ASS1: variants seen among roughly 807,000 people sequenced by gnomAD.
The protein encoded by ASS1 is argininosuccinate synthase.
A neutral mutation model predicts 60.5 loss-of-function variants in ASS1; 58 were observed. That is an observed-to-expected ratio of 0.96 (90% CI 0.78 to 1.19). The LOEUF (loss-of-function observed/expected upper bound fraction) is 1.19. Among genes scored for constraint, ASS1 ranks in the 50% most tolerant of loss-of-function variants. The pLI is 0.00. For synonymous variants in ASS1, 200 were observed against 206.9 expected, an observed-to-expected ratio of 0.97 and a Z score of 0.29; for missense variants, 454 against 547.3, an observed-to-expected ratio of 0.83 and a Z score of 1.70.
intron 4 of ASS1, among the ~76,000 whole-genome samples, chr9:130,461,957 T>C (rs1022861417): frequency 1.3e-5 from 2 of 152,066 alleles, no homozygotes; most frequent in Non-Finnish European, 2.9e-5. Context: ...AAGGGCATCC[T>C]GTTTGCTGGA....
At chr9:130,493,748 GGCCTGCCTGCCT>G (rs58946745) in intron 12 of ASS1, among the ~76,000 whole-genome samples, 6 of 151,938 alleles carry the variant, frequency 3.9e-5, no homozygotes, top group Non-Finnish European at 7.4e-5. Context: ...CCCCCGCCAT[GGCCTGCCTGCCT>G]GCCTGCCTGC....
intron 6 of ASS1, among the ~76,000 whole-genome samples, chr9:130,468,442 C>T (rs925355033): frequency 1.3e-5 from 2 of 152,134 alleles, no homozygotes; most frequent in Admixed American, 6.5e-5. Context: ...GACAGTGTCT[C>T]ACTCTGTCAC....
At position 130,476,802 on chromosome 9, in the gene ASS1, C is replaced by T. The variant is rs1033174937; in HGVS notation, c.598-69C>T. The stretch of plus-strand genomic sequence containing the variant: ...CAGAGGAGAGGGGTGCAGATCCCCG[C>T]GGGAGGTGGGCTGTAGGGTGTCCAG... On this transcript the variant is annotated intron_variant, in intron 8 of 14. Transcript: ENST00000352480. This position sits in a 1 kb window ranked among gnomAD's most constrained non-coding sequence, Gnocchi z 4.9. 54 of 1,420,272 alleles carry T rather than the reference C, an allele frequency of 3.8e-5. No individual in the cohort carries two copies. The highest frequency in any genetic ancestry group is 4.9e-5 in the Non-Finnish European group (49 of 1,005,342). 88.0% of individuals were successfully genotyped at this position (1,420,272 alleles called of 1,614,324 possible).
intron 11 of ASS1, among the ~76,000 whole-genome samples, chr9:130,481,523 C>T (rs939208321): frequency 6.6e-6 from 1 of 152,220 alleles, no homozygotes; most frequent in Admixed American, 6.5e-5. Context: ...GAGCCGATCA[C>T]CCCATGTGGG....
At chr9:130,496,897 G>A (rs112943962) in intron 13 of ASS1, among the ~76,000 whole-genome samples, 1 of 152,254 alleles carries the variant, frequency 6.6e-6, no homozygotes, top group African/African-American at 2.4e-5. Context: ...GCTTAGCTCA[G>A]GCTAAGGCCA....
intron 14 of ASS1, among the ~76,000 whole-genome samples, chr9:130,500,757 T>A (rs1297457060): frequency 6.6e-6 from 1 of 152,138 alleles, no homozygotes; most frequent in African/African-American, 2.4e-5. Context: ...TCTTCAACAA[T>A]GACAAACAAT....
Position 130,450,660 on chromosome 9 carries a change from G to A in ASS1, c.-5-1564G>A, listed in dbSNP as rs561651898. Among the ~76,000 whole-genome samples the A allele has an allele frequency of 9.8e-5, 15 of 152,336 alleles. No individual in the cohort carries two copies. The South Asian group carries it at 2.3e-3, about 23-fold the overall frequency. The stretch of plus-strand genomic sequence containing the variant: ...GCACGGGACTGAATTCTCATGTGAC[G>A]GAGCTCCAAAGTCCACCTGGCTACA... On this transcript the variant is annotated intron_variant, in intron 1 of 14. Coordinates refer to ENST00000352480, the MANE Select transcript of ASS1 (RefSeq NM_054012.4).
chr9:130,499,894 A>T (rs1225695669), intron 14 of ASS1, among the ~76,000 whole-genome samples: 3 of 152,166 alleles, frequency 2.0e-5, no homozygotes, highest in African/African-American at 7.2e-5. Context: ...GGGCAGGTTA[A>T]ACAAGGAAAT....
intron 11 of ASS1, among the ~76,000 whole-genome samples, chr9:130,484,276 C>T (rs187878354): frequency 1.3e-5 from 2 of 152,146 alleles, no homozygotes; most frequent in Non-Finnish European, 2.9e-5. Context: ...GCTGAGCTGG[C>T]GGATCCCACT....
At chr9:130,452,469 C>T (rs567961650) in intron 2 of ASS1, 136 bp downstream of exon 2, 9 of 781,020 alleles carry the variant, frequency 1.2e-5, no homozygotes, top group Admixed American at 2.0e-5. Flanking sequence ...TCTCTCGAAG[C>T]CTGTCTTGAA....
At chr9:130,469,437 G>A (rs1166859932) in intron 6 of ASS1, among the ~76,000 whole-genome samples, 1 of 151,006 alleles carries the variant, frequency 6.6e-6, no homozygotes, top group African/African-American at 2.4e-5. Flanking sequence ...TTGAGATAGA[G>A]TCTCACTCTG....
In ASS1 at chr9:130,501,025, C is replaced by T. The variant is rs983248869; in HGVS notation, c.*4C>T. On this transcript the variant is annotated 3_prime_UTR_variant, in exon 15 of 15. Coordinates refer to ENST00000352480, the MANE Select transcript of ASS1 (RefSeq NM_054012.4). Reference sequence around the variant, plus strand: ...GAGCAAGGTCACTGCCAAATAGACCCGTGTACAATGAGGAGCTGGGGCCTC... The same window carrying T: ...GAGCAAGGTCACTGCCAAATAGACCTGTGTACAATGAGGAGCTGGGGCCTC... 8.7e-6 allele frequency: 14 copies of T among 1,612,152 alleles called. No homozygotes were observed. The highest frequency in any genetic ancestry group is 1.2e-5 in the Non-Finnish European group (14 of 1,179,508).
intron 1 of ASS1, among the ~76,000 whole-genome samples, chr9:130,446,178 G>C (rs1433848522): frequency 2.0e-5 from 3 of 152,130 alleles, no homozygotes; most frequent in African/African-American, 7.2e-5. Context: ...GTCTGTTAGA[G>C]CTGGCTGGGG....
At chr9:130,493,925 G>A (rs981111932) in intron 12 of ASS1, among the ~76,000 whole-genome samples, 1 of 152,186 alleles carries the variant, frequency 6.6e-6, no homozygotes, top group Admixed American at 6.5e-5. Context: ...TACACACCAA[G>A]GGATGTTCTG....
intron 14 of ASS1, among the ~76,000 whole-genome samples, 167 bp downstream of exon 14, chr9:130,499,737 G>C (rs1010854234): frequency 3.9e-5 from 6 of 152,242 alleles, no homozygotes; most frequent in Admixed American, 1.3e-4. Flanking sequence ...TCTGCCCATA[G>C]CATCCTCAGA....
At chr9:130,445,093 GC>G in intron 1 of ASS1, 98 bp downstream of exon 1, 1 of 956,068 alleles carries the variant, frequency 1.0e-6, no homozygotes, top group Non-Finnish European at 1.2e-6. Context: ...CCGCCCCGGG[GC>G]CCGCGGAGGC....
chr9:130,496,154 T>C (rs1268371942), intron 13 of ASS1, among the ~76,000 whole-genome samples: 4 of 152,118 alleles, frequency 2.6e-5, no homozygotes, highest in African/African-American at 9.6e-5. Context: ...GGCAAGATGG[T>C]GCACACCTGT....
In ASS1 at chr9:130,480,415, C is replaced by G. The variant is rs773540764; in HGVS notation, c.804C>G (p.Ile268Met). The G allele has an allele frequency of 1.2e-6, 2 of 1,614,056 alleles. No homozygotes were observed. The highest frequency in any genetic ancestry group is 1.3e-5 in the African/African-American group (1 of 74,948). The change falls in exon 11 of 15, where the codon ATC becomes ATG. Residue 268 changes from isoleucine to methionine, a missense_variant. Ile to Met is a conservative substitution (Grantham distance 10, BLOSUM62 1). Coordinates refer to ENST00000352480, the MANE Select transcript of ASS1 (RefSeq NM_054012.4). ...AGKHGVGRID[I>M]VENRFIGMKS... is the part of the protein sequence containing the mutation. ...AGCATGGCGTGGGCCGTATTGACAT[C>G]GTGGAGAACCGCTTCATTGGAATGA...
chr9:130,490,498 G>C (rs1012315366), intron 12 of ASS1, among the ~76,000 whole-genome samples: 1 of 151,964 alleles, frequency 6.6e-6, no homozygotes, highest in African/African-American at 2.4e-5. Context: ...ATTTTTAGTA[G>C]AGATGGGGTT....
Sources: allele counts gnomAD v4.1 joint callset (sites outside exome capture counted in the v4.1 genomes callset), GRCh38; gene constraint gnomAD v4.1.1; non-coding constraint Gnocchi (gnomAD v3.1); transcripts MANE v1.5; gene names NCBI Gene and HGNC (gene_info 2026-07-23, HGNC 2026-07-21).